The following TBC1D9B variants were observed in gnomAD, a reference collection of about 807,000 sequenced individuals.
TBC1D9B encodes the protein TBC1 domain family, member 9B (with GRAM domain).
In TBC1D9B, 87 loss-of-function variants were observed where a neutral mutation model predicts 121.1. The observed-to-expected ratio is 0.72, with a 90% CI of 0.60 to 0.86. The LOEUF is 0.86. TBC1D9B is among the 40% of genes least tolerant of loss of function. The probability of loss-of-function intolerance (pLI) is 0.00; values close to 1 mark genes in which losing one functional copy is unlikely to be tolerated. For missense variants in TBC1D9B, 1,540 were observed against 1,628.6 expected (o/e 0.95, Z 0.94); for synonymous variants, 668 against 670.1 (o/e 1.00, Z 0.05).
rs901154341 is a variant in TBC1D9B, at chr5:179,902,858, C to A, written c.229+1844G>T. ...GGCTCTGAAGCCAGAGATCGGGGGTCTAACTGGGCTTCCCTGCTTGGCCTT... is the reference window on the plus strand; with the variant it reads ...GGCTCTGAAGCCAGAGATCGGGGGTATAACTGGGCTTCCCTGCTTGGCCTT... On this transcript the variant is annotated intron_variant, in intron 2 of 20. Coordinates refer to ENST00000355235, the MANE Select transcript of TBC1D9B (RefSeq NM_015043.4). The surrounding 1 kb of genome is among the most constrained non-coding windows in gnomAD (Gnocchi z 4.9). Among the ~76,000 whole-genome samples the A allele has an allele frequency of 6.6e-6, 1 of 152,170 alleles. No homozygotes were observed. The highest frequency in any genetic ancestry group is 2.4e-5 in the African/African-American group (1 of 41,448).
chr5:179,870,353 C>A lies in TBC1D9B; in HGVS notation c.2627G>T (p.Cys876Phe), dbSNP rs1318084783. 2 of 1,613,906 alleles carry A rather than the reference C, an allele frequency of 1.2e-6. No homozygotes were observed. Among genetic ancestry groups the A allele is most frequent in the East Asian group, 4.5e-5 (2 of 44,882 alleles). ...TGCCAGCAGAGGTGTGTGGGAGCCA[C>A]AGGCCCAGGGTGTCAGGCTGGCAAA... The part of the protein sequence containing the change: ...ELFASLTPWA[C>F]GSHTPLLAGR... Residue 876 changes from cysteine to phenylalanine, a missense_variant, in exon 16 of 21, where the codon TGT becomes TTT. By Grantham distance (205) the Cys-to-Phe change is radical. Transcript: ENST00000355235.
intron 18 of TBC1D9B, chr5:179,867,441 T>G (rs747846419): frequency 9.0e-6 from 14 of 1,554,406 alleles, no homozygotes; most frequent in Non-Finnish European, 1.2e-5. Flanking sequence ...TTCCAGGGAC[T>G]GACCTTGAGC....
intron 9 of TBC1D9B, 55 bp from the exon 10 acceptor site, chr5:179,878,578 A>C: frequency 6.6e-6 from 10 of 1,524,840 alleles, no homozygotes; most frequent in Non-Finnish European, 8.9e-6. Context: ...CTTTGGGGGC[A>C]GTAACAGGGC....
At position 179,907,841 on chromosome 5, in the gene TBC1D9B, G is replaced by A; in HGVS notation, c.-20C>T. On this transcript the variant is annotated 5_prime_UTR_variant, in exon 1 of 21. Coordinates refer to ENST00000355235, the MANE Select transcript of TBC1D9B (RefSeq NM_015043.4). The surrounding 1 kb of genome is among the most constrained non-coding windows in gnomAD (Gnocchi z 5.3). The stretch of plus-strand genomic sequence containing the variant: ...CCACATCGCGGAGCCGCTCGCACCG[G>A]GCCGAGGCCCGCGAGACGGAAGCGC... 9.1e-7 allele frequency: 1 copy of A among 1,094,970 alleles called. No individual in the cohort carries two copies. 67.8% of individuals were successfully genotyped at this position (1,094,970 alleles called of 1,614,324 possible).
At chr5:179,869,489 G>A in intron 17 of TBC1D9B, 1 of 623,026 alleles carries the variant, frequency 1.6e-6, no homozygotes, top group Non-Finnish European at 3.0e-6. Context: ...CCCTCCTAGT[G>A]GGTTTTGGGT....
At position 179,904,374 on chromosome 5, in the gene TBC1D9B, G is replaced by A. The variant is rs1341295095; in HGVS notation, c.229+328C>T. ...CGAGTAGCTGGGACTACAGGCCTCC[G>A]CCACCACCCCCAGCTAATTTTTTGT... On this transcript the variant is annotated intron_variant, in intron 2 of 20. Coordinates refer to ENST00000355235, the MANE Select transcript of TBC1D9B (RefSeq NM_015043.4). This position sits in a 1 kb window ranked among gnomAD's most constrained non-coding sequence, Gnocchi z 4.2. Among the ~76,000 whole-genome samples the A allele has an allele frequency of 1.3e-5, 2 of 151,930 alleles. No individual in the cohort carries two copies. Among genetic ancestry groups the A allele is most frequent in the African/African-American group, 2.4e-5 (1 of 41,344 alleles).
At chr5:179,876,726 G>A (rs1760370410) in intron 10 of TBC1D9B, among the ~76,000 whole-genome samples, 1 of 152,120 alleles carries the variant, frequency 6.6e-6, no homozygotes, top group African/African-American at 2.4e-5. Flanking sequence ...CTGCTGGTGG[G>A]AATATAAAAT....
At chr5:179,894,715 G>T in intron 3 of TBC1D9B, 101 bp from the exon 4 acceptor site, 1 of 1,196,306 alleles carries the variant, frequency 8.4e-7, no homozygotes, top group Non-Finnish European at 1.2e-6. Context: ...ATGGACCTTG[G>T]TCTAAGGGCT....
intron 1 of TBC1D9B, among the ~76,000 whole-genome samples, chr5:179,906,143 G>A (rs1288563997): frequency 6.6e-6 from 1 of 152,228 alleles, no homozygotes; most frequent in African/African-American, 2.4e-5. Context: ...GTTTTTAATA[G>A]ATGGCTTGGA....
intron 7 of TBC1D9B, among the ~76,000 whole-genome samples, chr5:179,880,447 T>C (rs1760506154): frequency 1.3e-5 from 2 of 152,102 alleles, no homozygotes; most frequent in South Asian, 2.1e-4. Flanking sequence ...CGATTCCCCA[T>C]GGTGGGCTCT....
At chr5:179,905,540 G>A (rs539870585) in intron 1 of TBC1D9B, among the ~76,000 whole-genome samples, 3 of 152,322 alleles carry the variant, frequency 2.0e-5, no homozygotes, top group African/African-American at 7.2e-5. Flanking sequence ...GGCATTTCAA[G>A]TTTTTCTTCT....
Position 179,907,645 on chromosome 5 carries a change from A to T in TBC1D9B, c.118+59T>A. 1 of 857,638 alleles carries T rather than the reference A, an allele frequency of 1.2e-6. No homozygotes were observed. The highest frequency in any genetic ancestry group is 1.4e-6 in the Non-Finnish European group (1 of 717,878). 53.1% of individuals were successfully genotyped at this position (857,638 alleles called of 1,614,324 possible). A position where few individuals can be genotyped will look rare whatever the true frequency, so the allele number is the denominator to read the frequency against. On this transcript the variant is annotated intron_variant, in intron 1 of 20. Transcript: ENST00000355235. This position sits in a 1 kb window ranked among gnomAD's most constrained non-coding sequence, Gnocchi z 5.3. The stretch of plus-strand genomic sequence containing the variant: ...CCGGACCCGCCCGCCGCCCGCCGCC[A>T]GCCCCGCCGCCAGCCCAGCCGCGGC...
Position 179,875,189 on chromosome 5 carries a change from T to C in TBC1D9B, c.1901-2A>G, listed in dbSNP as rs112213352. 6.2e-6 allele frequency: 10 copies of C among 1,612,186 alleles called. No homozygotes were observed. Among genetic ancestry groups the C allele is most frequent in the Non-Finnish European group, 8.5e-6 (10 of 1,179,728 alleles). On this transcript the variant is annotated splice_acceptor_variant, in intron 11 of 20. Coordinates refer to ENST00000355235, the MANE Select transcript of TBC1D9B (RefSeq NM_015043.4). LOFTEE classifies it high-confidence loss of function. The surrounding 1 kb of genome is among the most constrained non-coding windows in gnomAD (Gnocchi z 4.5). ...AGATGCCTTGGTCCACCAGGGCTCC[T>C]GCGGGCAGGATGAGCGAGGCTGATG... is the stretch of plus-strand genomic sequence containing the variant.
rs1760251622 is a variant in TBC1D9B at position 179,873,104 on chromosome 5, C to T, written c.2316+15G>A. On this transcript the variant is annotated intron_variant, in intron 13 of 20. Transcript: ENST00000355235. ...ATGGAGCGGCCTGGCCAAAATGGCC[C>T]CACTGGGTGCTGACCTCATAGGACA... is the stretch of plus-strand genomic sequence containing the variant. The T allele has an allele frequency of 6.2e-7, 1 of 1,610,374 alleles. No homozygotes were observed. The highest frequency in any genetic ancestry group is 8.5e-7 in the Non-Finnish European group (1 of 1,177,848).
chr5:179,887,929 G>A (rs967987206), intron 7 of TBC1D9B, 174 bp downstream of exon 7: 1 of 754,730 alleles, frequency 1.3e-6, no homozygotes, highest in Non-Finnish European at 2.2e-6. Flanking sequence ...AGGCTGTGAT[G>A]TTGCTGGGCA....
chr5:179,868,473 T>C (rs1240640221), intron 17 of TBC1D9B: 2 of 152,262 alleles, frequency 1.3e-5, no homozygotes, highest in Non-Finnish European at 2.9e-5. Context: ...ACTTTGACAT[T>C]GTGTTTGAAA....
chr5:179,875,066 G>T lies in TBC1D9B; in HGVS notation c.2022C>A (p.Leu674=), dbSNP rs767973440. The change falls in exon 12 of 21, where the codon CTC becomes CTA. Residue 674 remains leucine, a synonymous_variant. Coordinates refer to ENST00000355235, the MANE Select transcript of TBC1D9B (RefSeq NM_015043.4). This position sits in a 1 kb window ranked among gnomAD's most constrained non-coding sequence, Gnocchi z 4.5. ...TCTCGAAGGGCATGACGCTGAGGAA[G>T]AGGGTCAGGAACCAGGACAGCGAGA... ...SSISLSWFLT[L]FLSVMPFESA... 1.2e-6 allele frequency: 2 copies of T among 1,614,130 alleles called. No homozygotes were observed. The highest frequency in any genetic ancestry group is 1.7e-6 in the Non-Finnish European group (2 of 1,180,048).
rs555261073 is a variant in TBC1D9B at position 179,907,144 on chromosome 5, G to A, written c.118+560C>T. Among the ~76,000 whole-genome samples, 24 of 152,338 alleles carry A rather than the reference G, an allele frequency of 1.6e-4. No homozygotes were observed. The highest frequency in any genetic ancestry group is 2.4e-4 in the Non-Finnish European group (16 of 68,024). On this transcript the variant is annotated intron_variant, in intron 1 of 20. Transcript: ENST00000355235. This position sits in a 1 kb window ranked among gnomAD's most constrained non-coding sequence, Gnocchi z 5.3. ...CACAGCCTTGGGTGCGCAGCTCTGA[G>A]AGCAGCCAGGAGCAGGAAAGGTGGG...
At chr5:179,879,974 T>C (rs1760489687) in intron 7 of TBC1D9B, 185 bp from the exon 8 acceptor site, 1 of 679,294 alleles carries the variant, frequency 1.5e-6, no homozygotes, top group African/African-American at 1.8e-5. Context: ...CCTCAGCTCC[T>C]CTCTGGCTGC....
Sources: gnomAD v4.1 joint callset for allele counts (sites outside exome capture counted in the v4.1 genomes callset) on GRCh38, gnomAD v4.1.1 for gene constraint, Gnocchi (gnomAD v3.1) non-coding constraint, MANE v1.5 for transcripts, NCBI Gene and HGNC (gene_info 2026-07-23, HGNC 2026-07-21) for gene names.